LRRC8A: variants seen among roughly 807,000 people sequenced by gnomAD.
The protein encoded by LRRC8A is leucine rich repeat containing 8 VRAC subunit A.
LRRC8A carries 24 observed loss-of-function variants against 52.5 expected under a neutral mutation model. The ratio of observed to expected loss-of-function variants is 0.46; its 90% confidence interval spans 0.33 to 0.64. The LOEUF is 0.64. Ranked by LOEUF, LRRC8A falls within the 30% of genes least tolerant of loss-of-function variation. The probability of loss-of-function intolerance (pLI) is 0.02; values close to 1 mark genes in which losing one functional copy is unlikely to be tolerated. For missense variants in LRRC8A, 677 were observed against 1,094.7 expected, an observed-to-expected ratio of 0.62 and a Z score of 5.38; for synonymous variants, 492 against 494.2, an observed-to-expected ratio of 1.00 and a Z score of 0.06.
At chr9:128,883,179 C>G (rs974851632) in intron 1 of LRRC8A, among the ~76,000 whole-genome samples, 1 of 152,166 alleles carries the variant, frequency 6.6e-6, no homozygotes, top group Admixed American at 6.5e-5. Flanking sequence ...CCACTGACTC[C>G]TCTTCCCCTG....
chr9:128,885,660 T>A (rs1839365507), intron 1 of LRRC8A, among the ~76,000 whole-genome samples: 1 of 152,048 alleles, frequency 6.6e-6, no homozygotes, highest in Admixed American at 6.5e-5. Context: ...GTAATCCCAA[T>A]ACTTTGGGAG....
rs1840288041 is a variant in LRRC8A at position 128,907,214 on chromosome 9, A to C, written c.50A>C (p.Tyr17Ser). 1 of 1,613,420 alleles carries C rather than the reference A, an allele frequency of 6.2e-7. No homozygotes were observed. Among genetic ancestry groups the C allele is most frequent in the Non-Finnish European group, 8.5e-7 (1 of 1,179,564 alleles). ...LRYFADTQPA[Y>S]RILKPWWDVF... ...TACTTTGCGGACACGCAGCCAGCAT[A>C]CCGGATCCTGAAGCCGTGGTGGGAT... Residue 17 changes from tyrosine (Y) to serine (S), a missense_variant, in exon 3 of 4, where the codon TAC becomes TCC. Transcript: ENST00000372600. This position sits in a 1 kb window ranked among gnomAD's most constrained non-coding sequence, Gnocchi z 9.3.
intron 2 of LRRC8A, among the ~76,000 whole-genome samples, chr9:128,898,039 A>AGTGTGTGT (rs58876901): frequency 7.3e-6 from 1 of 136,410 alleles, no homozygotes; most frequent in African/African-American, 2.8e-5. Flanking sequence ...AAGATTGTTC[A>AGTGTGTGT]GTGTGTGTGT....
At position 128,908,758 on chromosome 9, in the gene LRRC8A, A is replaced by C; in HGVS notation, c.1594A>C (p.Asn532His). The part of the protein sequence containing the change: ...HLTGNLSAEN[N>H]RYIVIDGLRE... ...GACGGGCAACCTGAGCGCGGAGAAC[A>C]ACCGCTACATCGTCATCGACGGGCT... Residue 532 changes from asparagine to histidine, a missense_variant, in exon 3 of 4, where the codon AAC (asparagine) becomes CAC (histidine). By Grantham distance (68) the Asn-to-His change is moderately conservative. Transcript: ENST00000372600. 6.2e-7 allele frequency: 1 copy of C among 1,613,292 alleles called. No individual in the cohort carries two copies. The highest frequency in any genetic ancestry group is 8.5e-7 in the Non-Finnish European group (1 of 1,180,026).
chr9:128,890,853 T>C (rs1588200024), intron 2 of LRRC8A, among the ~76,000 whole-genome samples: 1 of 152,216 alleles, frequency 6.6e-6, no homozygotes, highest in African/African-American at 2.4e-5. Context: ...TGTGCAAATA[T>C]GAGCCAACAA....
Position 128,908,817 on chromosome 9 carries a change from CAA to C in LRRC8A, c.1654_1655del (p.Lys552GlufsTer25). 6.2e-7 allele frequency: 1 copy of C among 1,613,600 alleles called. No individual in the cohort carries two copies. Among genetic ancestry groups the C allele is most frequent in the Non-Finnish European group, 8.5e-7 (1 of 1,180,020 alleles). On this transcript the variant is annotated frameshift_variant, in exon 3 of 4. Coordinates refer to ENST00000372600, the MANE Select transcript of LRRC8A (RefSeq NM_019594.4). LOFTEE classifies it high-confidence loss of function. ...TCAAACGCCTCAAGGTGCTGCGGCT[CAA>C]GAGCAACCTAAGCAAGCTGCCACAG... ...ELKRLKVLRL[K>X]SNLSKLPQVV... is the part of the protein sequence containing the mutation.
chr9:128,913,541 G>A (rs1188821210), intron 3 of LRRC8A, among the ~76,000 whole-genome samples: 1 of 152,054 alleles, frequency 6.6e-6, no homozygotes, highest in East Asian at 1.9e-4. Flanking sequence ...GCAACTGAGA[G>A]TACCTCCCCT....
chr9:128,901,397 G>A (rs1840019861), intron 2 of LRRC8A, among the ~76,000 whole-genome samples: 1 of 152,056 alleles, frequency 6.6e-6, no homozygotes, highest in Non-Finnish European at 1.5e-5. Flanking sequence ...CTGGGAGGCG[G>A]AGATTGCAGT....
intron 1 of LRRC8A, chr9:128,882,973 T>G (rs1377223444): frequency 2.5e-6 from 1 of 393,972 alleles, no homozygotes; most frequent in East Asian, 3.6e-5. Context: ...GTCATGGAGT[T>G]CATGATGATT....
rs1010618962 is a variant in LRRC8A at position 128,909,229 on chromosome 9, T to C, written c.2065T>C (p.Tyr689His). The C allele has an allele frequency of 1.2e-6, 2 of 1,614,026 alleles. No homozygotes were observed. Among genetic ancestry groups the C allele is most frequent in the African/African-American group, 1.3e-5 (1 of 74,942 alleles). Residue 689 changes from tyrosine to histidine, a missense_variant, in exon 3 of 4, where the codon TAC becomes CAC. By Grantham distance (83) the Tyr-to-His change is moderately conservative (BLOSUM62 2). Coordinates refer to ENST00000372600, the MANE Select transcript of LRRC8A (RefSeq NM_019594.4). ...TQLFYCRKLR[Y>H]LDLSHNNLTF... is the part of the protein sequence containing the mutation. ...GCTCTTCTACTGCCGCAAGCTGCGC[T>C]ACCTGGACCTCAGCCACAACAACCT...
At chr9:128,910,856 A>T (rs1840488131) in intron 3 of LRRC8A, among the ~76,000 whole-genome samples, 1 of 152,150 alleles carries the variant, frequency 6.6e-6, no homozygotes, top group South Asian at 2.1e-4. Context: ...TCCCCTCTGC[A>T]GCCTCCGTGT....
intron 2 of LRRC8A, among the ~76,000 whole-genome samples, chr9:128,890,712 G>T: frequency 6.6e-6 from 1 of 152,170 alleles, no homozygotes; most frequent in Admixed American, 6.5e-5. Flanking sequence ...CACTCCCCTG[G>T]GATCTCAGCA....
intron 2 of LRRC8A, among the ~76,000 whole-genome samples, chr9:128,893,158 G>A (rs946642842): frequency 1.3e-5 from 2 of 152,138 alleles, no homozygotes; most frequent in African/African-American, 4.8e-5. Flanking sequence ...GCCACACGGG[G>A]TCCTGAGCCT....
chr9:128,908,880 G>C lies in LRRC8A; in HGVS notation c.1716G>C (p.Leu572=). The part of the protein sequence containing the change: ...VTDVGVHLQK[L]SINNEGTKLI... ...ATGTGGGCGTGCACCTGCAGAAGCT[G>C]TCCATCAACAATGAGGGCACCAAGC... Residue 572 remains leucine (L), a synonymous_variant, in exon 3 of 4, where the codon CTG becomes CTC. Coordinates refer to ENST00000372600, the MANE Select transcript of LRRC8A (RefSeq NM_019594.4). 1 of 1,613,892 alleles carries C rather than the reference G, an allele frequency of 6.2e-7. No individual in the cohort carries two copies. Among genetic ancestry groups the C allele is most frequent in the Non-Finnish European group, 8.5e-7 (1 of 1,180,034 alleles).
chr9:128,893,014 G>A (rs1257418734), intron 2 of LRRC8A, among the ~76,000 whole-genome samples: 5 of 152,174 alleles, frequency 3.3e-5, no homozygotes, highest in Admixed American at 6.5e-5. Flanking sequence ...GGTCTGGTGC[G>A]TGCTGGGGGG....
intron 2 of LRRC8A, among the ~76,000 whole-genome samples, chr9:128,888,551 G>A (rs1003837221): frequency 2.6e-5 from 4 of 152,136 alleles, no homozygotes; most frequent in African/African-American, 9.7e-5. Context: ...TTCTGAGAGT[G>A]GGCAGGTGAG....
intron 2 of LRRC8A, among the ~76,000 whole-genome samples, chr9:128,890,778 T>G (rs1413898560): frequency 6.6e-6 from 1 of 152,164 alleles, no homozygotes; most frequent in Non-Finnish European, 1.5e-5. Flanking sequence ...ATAACCTGTC[T>G]AAGAAGGCAG....
At chr9:128,901,358 G>C (rs1290024754) in intron 2 of LRRC8A, among the ~76,000 whole-genome samples, 1 of 151,490 alleles carries the variant, frequency 6.6e-6, no homozygotes. Flanking sequence ...CAGCTGCTTG[G>C]GAGGCTGAGT....
Position 128,908,307 on chromosome 9 carries a change from A to G in LRRC8A, c.1143A>G (p.Gln381=). 2 of 1,614,074 alleles carry G rather than the reference A, an allele frequency of 1.2e-6. No individual in the cohort carries two copies. The highest frequency in any genetic ancestry group is 1.7e-6 in the Non-Finnish European group (2 of 1,180,010). Residue 381 remains glutamine, a synonymous_variant, in exon 3 of 4, where the codon CAA becomes CAG. Transcript: ENST00000372600. ...CCTTCATGCTGCACCTCATTGACCAATACGACCCGCTCTACTCCAAGCGCT... is the reference window on the plus strand; with the variant it reads ...CCTTCATGCTGCACCTCATTGACCAGTACGACCCGCTCTACTCCAAGCGCT... ...DFAFMLHLID[Q]YDPLYSKRFA... is the part of the protein sequence containing the mutation.
Sources: allele counts gnomAD v4.1 joint callset (sites outside exome capture counted in the v4.1 genomes callset), GRCh38; gene constraint gnomAD v4.1.1; non-coding constraint Gnocchi (gnomAD v3.1); transcripts MANE v1.5; gene names NCBI Gene and HGNC (gene_info 2026-07-23, HGNC 2026-07-21).